The following PPM1D variants were observed in gnomAD, a reference collection of about 807,000 sequenced individuals.
The protein encoded by PPM1D is protein phosphatase, Mg2+/Mn2+ dependent 1D, also known as protein phosphatase 1D.
Under a neutral mutation model 58.3 loss-of-function variants are expected in PPM1D, and 52 were observed. That is an observed-to-expected ratio of 0.89 (90% CI 0.71 to 1.12). The LOEUF is 1.12. Ranked by LOEUF, PPM1D falls within the 50% of genes most tolerant of loss-of-function variation. PPM1D has a pLI of 0.00. For synonymous variants in PPM1D, 278 were observed against 285.1 expected (o/e 0.98, Z 0.25); for missense variants, 564 against 777.2 (o/e 0.73, Z 3.26).
chr17:60,652,211 T>C (rs1357971374), intron 4 of PPM1D, among the ~76,000 whole-genome samples: 1 of 152,172 alleles, frequency 6.6e-6, no homozygotes, highest in Non-Finnish European at 1.5e-5. Flanking sequence ...AGATCTACTC[T>C]TTTAGCTGCC....
intron 3 of PPM1D, among the ~76,000 whole-genome samples, chr17:60,637,684 A>C (rs747485569): frequency 6.6e-6 from 1 of 152,162 alleles, no homozygotes; most frequent in Non-Finnish European, 1.5e-5. Context: ...TTGAGTGCAG[A>C]TAGAAAAGGG....
intron 5 of PPM1D, among the ~76,000 whole-genome samples, chr17:60,661,713 A>G (rs2031529099): frequency 1.3e-5 from 2 of 152,230 alleles, no homozygotes; most frequent in South Asian, 4.2e-4. Context: ...CTCAAATCAC[A>G]GAGCAGTATC....
chr17:60,600,549 G>T lies in PPM1D; in HGVS notation c.135G>T (p.Leu45=). 3 of 1,553,580 alleles carry T rather than the reference G, an allele frequency of 1.9e-6. No individual in the cohort carries two copies. The highest frequency in any genetic ancestry group is 1.7e-6 in the Non-Finnish European group (2 of 1,148,954). The change falls in exon 1 of 6, where the codon CTG becomes CTT. Residue 45 remains leucine, a synonymous_variant. Transcript: ENST00000305921. The part of the protein sequence containing the change: ...AEEKPSPRRS[L]SQPLPPRPSP... ...AAAAGCCCTCGCCGCGGCGGTCGCT[G>T]TCTCAGCCGTTGCCTCCGCGGCCGT...
rs202160775 is a variant in PPM1D at position 60,632,005 on chromosome 17, C to T, written c.702-1848C>T. Among the ~76,000 whole-genome samples, 136 of 152,084 alleles carry T rather than the reference C, an allele frequency of 8.9e-4. No homozygotes were observed. In the East Asian group the frequency reaches 0.017, roughly 18 times the overall value. On this transcript the variant is annotated intron_variant, in intron 2 of 5. Transcript: ENST00000305921. ...CATCCTGGCTAACCTGGTGAAACCC[C>T]GTGTCTACTAAAAATACAAAAAATT...
intron 5 of PPM1D, chr17:60,662,374 A>G (rs913675518): frequency 6.6e-6 from 1 of 152,132 alleles, no homozygotes; most frequent in Non-Finnish European, 1.5e-5. Context: ...ATCTTTGCAC[A>G]GGGGCCATGC....
At chr17:60,652,268 A>C (rs1408219084) in intron 4 of PPM1D, among the ~76,000 whole-genome samples, 1 of 152,048 alleles carries the variant, frequency 6.6e-6, no homozygotes, top group African/African-American at 2.4e-5. Flanking sequence ...TATTTCATTT[A>C]GCATAATGTC....
intron 1 of PPM1D, 105 bp downstream of exon 1, chr17:60,600,991 T>G: frequency 6.7e-7 from 1 of 1,487,988 alleles, no homozygotes; most frequent in Non-Finnish European, 9.1e-7. Context: ...GCAACCAAAG[T>G]ATACACTGAT....
chr17:60,625,722 T>C (rs778698985), intron 2 of PPM1D, among the ~76,000 whole-genome samples: 10 of 152,330 alleles, frequency 6.6e-5, no homozygotes, highest in Non-Finnish European at 1.0e-4. Flanking sequence ...GGAAAATGTT[T>C]ATGGTCACAA....
At chr17:60,630,526 C>G (rs2030899623) in intron 2 of PPM1D, among the ~76,000 whole-genome samples, 1 of 152,162 alleles carries the variant, frequency 6.6e-6, no homozygotes, top group African/African-American at 2.4e-5. Context: ...TTTTTCCAGC[C>G]TTCTGTTGCT....
In PPM1D at chr17:60,663,478, C is replaced by T. The variant is rs2031568461; in HGVS notation, c.1744C>T (p.Arg582Cys). The change falls in exon 6 of 6, where the codon CGC becomes TGC. Residue 582 changes from arginine (R) to cysteine (C), a missense_variant. Coordinates refer to ENST00000305921, the MANE Select transcript of PPM1D (RefSeq NM_003620.4). ...GAACTCTGTTAAACTCACCATGCGACGCAGACTTAGGGGCCAGAAGAAAAT... is the reference window on the plus strand; with the variant it reads ...GAACTCTGTTAAACTCACCATGCGATGCAGACTTAGGGGCCAGAAGAAAAT... Reference protein sequence around the residue: ...RKNSVKLTMRRRLRGQKKIGN... With the variant: ...RKNSVKLTMRCRLRGQKKIGN... 2 of 1,613,936 alleles carry T rather than the reference C, an allele frequency of 1.2e-6. No individual in the cohort carries two copies. The highest frequency in any genetic ancestry group is 1.7e-6 in the Non-Finnish European group (2 of 1,180,022).
intron 4 of PPM1D, among the ~76,000 whole-genome samples, chr17:60,650,349 G>A (rs1261684362): frequency 6.6e-6 from 1 of 152,130 alleles, no homozygotes; most frequent in Non-Finnish European, 1.5e-5. Context: ...TCAGGAGTTC[G>A]AGACCGGCCT....
In PPM1D at chr17:60,645,597, T is replaced by G. The variant is rs1310602743; in HGVS notation, c.827-2295T>G. The stretch of plus-strand genomic sequence containing the variant: ...GTATATATATATGTGTGTATATATA[T>G]GTATATATATGTGTGTATATATATA... On this transcript the variant is annotated intron_variant, in intron 3 of 5. Coordinates refer to ENST00000305921, the MANE Select transcript of PPM1D (RefSeq NM_003620.4). 4.3e-5 allele frequency among the ~76,000 whole-genome samples: 6 copies of G among 140,824 alleles called. No individual in the cohort carries two copies. In the East Asian group the frequency reaches 1.2e-3, roughly 28 times the overall value. The allele number at this position is 140,824 out of a possible 152,430, so 92.4% of individuals were successfully genotyped here.
chr17:60,645,478 G>A (rs2031216941), intron 3 of PPM1D, among the ~76,000 whole-genome samples: 2 of 143,106 alleles, frequency 1.4e-5, no homozygotes, highest in African/African-American at 5.5e-5. Flanking sequence ...GTGTGTGTGT[G>A]TGTGTGTGTG....
At chr17:60,630,240 C>A (rs1364398496) in intron 2 of PPM1D, among the ~76,000 whole-genome samples, 1 of 151,988 alleles carries the variant, frequency 6.6e-6, no homozygotes, top group Non-Finnish European at 1.5e-5. Flanking sequence ...TTATTTTCTA[C>A]AGAAGAAATT....
intron 1 of PPM1D, among the ~76,000 whole-genome samples, chr17:60,609,967 G>A (rs1385055625): frequency 1.3e-5 from 2 of 152,062 alleles, no homozygotes; most frequent in Admixed American, 1.3e-4. Flanking sequence ...GGATCATGAG[G>A]TCAGGAGATC....
rs567068660 is a variant in PPM1D at position 60,629,777 on chromosome 17, C to T, written c.702-4076C>T. On this transcript the variant is annotated intron_variant, in intron 2 of 5. Coordinates refer to ENST00000305921, the MANE Select transcript of PPM1D (RefSeq NM_003620.4). ...TTGGGGCCGGGCACAGTGGCTTACGCTTATAATCCCAGCACTTTGGGAGCC... is the reference window on the plus strand; with the variant it reads ...TTGGGGCCGGGCACAGTGGCTTACGTTTATAATCCCAGCACTTTGGGAGCC... 3.3e-5 allele frequency among the ~76,000 whole-genome samples: 5 copies of T among 152,284 alleles called. No homozygotes were observed. In the South Asian group the frequency reaches 6.2e-4, roughly 19 times the overall value.
At chr17:60,605,027 G>A (rs951687999) in intron 1 of PPM1D, among the ~76,000 whole-genome samples, 4 of 152,114 alleles carry the variant, frequency 2.6e-5, no homozygotes, top group African/African-American at 9.7e-5. Flanking sequence ...TCGCCATGTT[G>A]GCCAGGCTGG....
intron 1 of PPM1D, among the ~76,000 whole-genome samples, chr17:60,613,135 A>AT (rs1013557386): frequency 6.6e-6 from 1 of 152,132 alleles, no homozygotes; most frequent in African/African-American, 2.4e-5. Context: ...ATTGTGTACT[A>AT]TGTAATACTA....
intron 5 of PPM1D, among the ~76,000 whole-genome samples, chr17:60,658,845 C>G (rs944535489): frequency 1.3e-5 from 2 of 151,948 alleles, no homozygotes; most frequent in Non-Finnish European, 2.9e-5. Context: ...GCCTGTAATC[C>G]CAGCTACTTG....
Sources: allele counts gnomAD v4.1 joint callset (sites outside exome capture counted in the v4.1 genomes callset), GRCh38; gene constraint gnomAD v4.1.1; transcripts MANE v1.5; gene names NCBI Gene and HGNC (gene_info 2026-07-23, HGNC 2026-07-21).